The following MAML2 variants were observed in gnomAD, a reference collection of about 807,000 sequenced individuals.
MAML2 encodes mastermind like transcriptional coactivator 2.
Under a neutral mutation model 96.1 loss-of-function variants are expected in MAML2, and 22 were observed. That is an observed-to-expected ratio of 0.23 (90% CI 0.16 to 0.33). MAML2 has a LOEUF of 0.33. MAML2 is among the 10% of genes least tolerant of loss of function. The pLI is 1.00. For synonymous variants in MAML2, 561 were observed against 521.3 expected (o/e 1.08, Z -1.04); for missense variants, 1,367 against 1,392.4 (o/e 0.98, Z 0.29).
At chr11:96,010,563 T>C (rs79900288) in intron 2 of MAML2, among the ~76,000 whole-genome samples, 5,222 of 152,246 alleles carry the variant, frequency 0.034, 290 homozygotes, top group African/African-American at 0.12. Context: ...CAGTCCCTAC[T>C]CAACTTCCCT....
intron 2 of MAML2, among the ~76,000 whole-genome samples, chr11:96,029,245 T>C (rs1255526431): frequency 6.6e-6 from 1 of 151,848 alleles, no homozygotes; most frequent in African/African-American, 2.4e-5. Flanking sequence ...TTGTTCCACA[T>C]GAGACTATTT....
chr11:96,036,621 A>T (rs1401582653), intron 2 of MAML2, among the ~76,000 whole-genome samples: 1 of 152,174 alleles, frequency 6.6e-6, no homozygotes, highest in Non-Finnish European at 1.5e-5. Context: ...TACTTGGCCC[A>T]TGATGAGGGA....
intron 2 of MAML2, among the ~76,000 whole-genome samples, chr11:96,005,773 A>C (rs520400): frequency 0.24 from 36,043 of 152,112 alleles, 4,580 homozygotes; most frequent in East Asian, 0.39. Context: ...ACTAATTCTA[A>C]CAAAAGATTC....
intron 2 of MAML2, among the ~76,000 whole-genome samples, chr11:95,992,150 T>G (rs776198248): frequency 6.6e-6 from 1 of 152,236 alleles, no homozygotes; most frequent in Non-Finnish European, 1.5e-5. Flanking sequence ...TTCACGTGTT[T>G]AAAAGTTGAA....
intron 1 of MAML2, among the ~76,000 whole-genome samples, chr11:96,109,389 A>G (rs931300864): frequency 1.2e-4 from 19 of 152,182 alleles, no homozygotes; most frequent in African/African-American, 4.6e-4. Flanking sequence ...TATTTTGGAA[A>G]AATAACTCTA....
chr11:96,013,640 A>ACGT, intron 2 of MAML2, among the ~76,000 whole-genome samples: 1 of 152,188 alleles, frequency 6.6e-6, no homozygotes. Flanking sequence ...AGGCAGCCAG[A>ACGT]CGTCGAGAGG....
chr11:96,070,002 G>A lies in MAML2; in HGVS notation c.2139+21890C>T, dbSNP rs531713145. ...TCACGCCACTGTACTCCAGCCTGGT[G>A]ACAGAGTGAGACTCTGTCTCAAAAA... On this transcript the variant is annotated intron_variant, in intron 2 of 4. Coordinates refer to ENST00000524717, the MANE Select transcript of MAML2 (RefSeq NM_032427.4). 4.0e-5 allele frequency among the ~76,000 whole-genome samples: 6 copies of A among 151,388 alleles called. 1 individual carries two copies. The South Asian group carries it at 1.3e-3, about 32-fold the overall frequency.
chr11:96,341,097 C>A (rs1863986454), intron 1 of MAML2, among the ~76,000 whole-genome samples: 1 of 152,036 alleles, frequency 6.6e-6, no homozygotes, highest in Admixed American at 6.6e-5. Flanking sequence ...CAGCTGGTAG[C>A]CTCTTCTTTT....
At chr11:96,065,417 A>G (rs1423579298) in intron 2 of MAML2, among the ~76,000 whole-genome samples, 16 of 23,142 alleles carry the variant, frequency 6.9e-4, no homozygotes, top group African/African-American at 3.2e-3. Flanking sequence ...GCGTGCATGC[A>G]CACACACACA....
chr11:96,023,166 A>G (rs747550612), intron 2 of MAML2, among the ~76,000 whole-genome samples: 5 of 152,296 alleles, frequency 3.3e-5, no homozygotes, highest in South Asian at 2.1e-4. Flanking sequence ...CACTCAGCCC[A>G]CTATGCTACT....
chr11:96,263,217 C>A (rs191469956), intron 1 of MAML2, among the ~76,000 whole-genome samples: 290 of 152,194 alleles, frequency 1.9e-3, no homozygotes, highest in Non-Finnish European at 3.6e-3. Context: ...CAAAATATTC[C>A]CCAAAATGTC....
At chr11:96,083,006 A>G (rs1430484889) in intron 2 of MAML2, among the ~76,000 whole-genome samples, 1 of 152,172 alleles carries the variant, frequency 6.6e-6, no homozygotes, top group Non-Finnish European at 1.5e-5. Context: ...GAGAGTAAAG[A>G]TGTAAGATAC....
Position 96,092,275 on chromosome 11 carries a change from A to G in MAML2, c.1756T>C (p.Tyr586His), listed in dbSNP as rs1591007629. 2 of 1,556,512 alleles carry G rather than the reference A, an allele frequency of 1.3e-6. No individual in the cohort carries two copies. The highest frequency in any genetic ancestry group is 4.8e-5 in the East Asian group (2 of 41,366). Residue 586 changes from tyrosine to histidine, a missense_variant, in exon 2 of 5, where the codon TAC becomes CAC. Physicochemically the swap from Tyr to His is moderately conservative, Grantham distance 83. Coordinates refer to ENST00000524717, the MANE Select transcript of MAML2 (RefSeq NM_032427.4). This position sits in a 1 kb window ranked among gnomAD's most constrained non-coding sequence, Gnocchi z 4.1. The part of the protein sequence containing the change: ...PSQNKPSLLH[Y>H]TQQQQQQQQQ... ...TGTTGCTGCTGTTGCTGTTGGGTGT[A>G]GTGTAGGAGAGAAGGCTTGTTCTGG...
intron 1 of MAML2, among the ~76,000 whole-genome samples, chr11:96,275,166 G>A (rs1037813319): frequency 6.6e-6 from 1 of 151,334 alleles, no homozygotes; most frequent in African/African-American, 2.4e-5. Flanking sequence ...AATAACCTTT[G>A]TGCCCAGATC....
intron 1 of MAML2, among the ~76,000 whole-genome samples, chr11:96,161,274 C>A (rs1861099441): frequency 6.6e-6 from 1 of 152,152 alleles, no homozygotes; most frequent in African/African-American, 2.4e-5. Context: ...CAGCCTCCCC[C>A]ACACAAATCA....
intron 1 of MAML2, among the ~76,000 whole-genome samples, chr11:96,122,079 G>A (rs1053992926): frequency 3.0e-4 from 44 of 148,334 alleles, no homozygotes; most frequent in African/African-American, 1.0e-3. Context: ...CAAAGTGCTC[G>A]GATTACAGGC....
In MAML2 at chr11:96,092,305, G is replaced by T. The variant is rs1396156146; in HGVS notation, c.1726C>A (p.Pro576Thr). 3.2e-6 allele frequency: 5 copies of T among 1,578,720 alleles called. No homozygotes were observed. The East Asian group carries it at 7.0e-5, about 22-fold the overall frequency. Reference sequence around the variant, plus strand: ...AGGAGAGAAGGCTTGTTCTGGGAAGGCAAAACAGAAGGCATCTGCTGGTTC... The same window carrying T: ...AGGAGAGAAGGCTTGTTCTGGGAAGTCAAAACAGAAGGCATCTGCTGGTTC... The part of the protein sequence containing the change: ...QANQQMPSVL[P>T]SQNKPSLLHY... The change falls in exon 2 of 5, where the codon CCT (proline) becomes ACT (threonine). Residue 576 changes from proline (P) to threonine (T), a missense_variant. Pro to Thr is a conservative substitution (Grantham distance 38). Coordinates refer to ENST00000524717, the MANE Select transcript of MAML2 (RefSeq NM_032427.4). This position sits in a 1 kb window ranked among gnomAD's most constrained non-coding sequence, Gnocchi z 4.1.
In MAML2 at chr11:96,221,003, G is replaced by A. The variant is rs1312633562; in HGVS notation, c.513+120380C>T. Among the ~76,000 whole-genome samples, 6 of 152,142 alleles carry A rather than the reference G, an allele frequency of 3.9e-5. No individual in the cohort carries two copies. In the East Asian group the frequency reaches 1.2e-3, roughly 29 times the overall value. On this transcript the variant is annotated intron_variant, in intron 1 of 4. Coordinates refer to ENST00000524717, the MANE Select transcript of MAML2 (RefSeq NM_032427.4). ...CATAACAGGTATTCAATGGGCATTT[G>A]TTGAACCAACTAATGAGAAAGTATT...
intron 2 of MAML2, among the ~76,000 whole-genome samples, chr11:96,068,886 A>G (rs1269438208): frequency 1.3e-5 from 2 of 150,118 alleles, no homozygotes; most frequent in Non-Finnish European, 1.5e-5. Flanking sequence ...ATAAAAAAGA[A>G]GCGATAATTT....
Sources: gnomAD v4.1 joint callset for allele counts (sites outside exome capture counted in the v4.1 genomes callset) on GRCh38, gnomAD v4.1.1 for gene constraint, Gnocchi (gnomAD v3.1) non-coding constraint, MANE v1.5 for transcripts, NCBI Gene and HGNC (gene_info 2026-07-23, HGNC 2026-07-21) for gene names.